The following SPAG16 variants were observed in gnomAD, a reference collection of about 807,000 sequenced individuals.
SPAG16 encodes sperm associated antigen 16, also known as sperm-associated antigen 16 protein.
In SPAG16, 86 loss-of-function variants were observed where a neutral mutation model predicts 80.4. The ratio of observed to expected loss-of-function variants is 1.07; its 90% CI spans 0.90 to 1.28. The LOEUF (loss-of-function observed/expected upper bound fraction) is 1.28, where lower values mean the gene tolerates loss of function less well. SPAG16 is among the 50% of genes most tolerant of loss of function. The pLI is 0.00. For synonymous variants in SPAG16, 294 were observed against 265.9 expected (o/e 1.11, Z -1.03); for missense variants, 870 against 765.3 (o/e 1.14, Z -1.61).
At chr2:213,885,973 A>AT (rs1271249059) in intron 11 of SPAG16, among the ~76,000 whole-genome samples, 1 of 152,196 alleles carries the variant, frequency 6.6e-6, no homozygotes, top group East Asian at 1.9e-4. Context: ...GAGAAACTCT[A>AT]TTTTTATGCT....
At chr2:213,937,261 C>T (rs966437129) in intron 12 of SPAG16, among the ~76,000 whole-genome samples, 4 of 151,840 alleles carry the variant, frequency 2.6e-5, no homozygotes, top group African/African-American at 7.3e-5. Flanking sequence ...GTTTAAAACA[C>T]GATAATGTAA....
chr2:213,430,486 C>A (rs1320140706), intron 9 of SPAG16, among the ~76,000 whole-genome samples: 1 of 152,126 alleles, frequency 6.6e-6, no homozygotes, highest in East Asian at 1.9e-4. Context: ...TAAAACTCAT[C>A]AGCTATTGTT....
At chr2:214,259,466 C>T (rs942451465) in intron 15 of SPAG16, among the ~76,000 whole-genome samples, 1 of 133,382 alleles carries the variant, frequency 7.5e-6, no homozygotes, top group South Asian at 2.4e-4. Flanking sequence ...TACACACACA[C>T]GTATAGCTTT....
At chr2:213,669,990 A>G (rs1274397136) in intron 10 of SPAG16, among the ~76,000 whole-genome samples, 1 of 150,098 alleles carries the variant, frequency 6.7e-6, no homozygotes, top group Non-Finnish European at 1.5e-5. Flanking sequence ...TTTGGCAAGC[A>G]TGTTCTAATT....
chr2:214,286,123 T>C (rs1693336514), intron 15 of SPAG16, among the ~76,000 whole-genome samples: 1 of 152,170 alleles, frequency 6.6e-6, no homozygotes, highest in South Asian at 2.1e-4. Context: ...GAACCAAAAA[T>C]ATTTGAACTC....
At chr2:213,499,223 C>G (rs2074631696) in intron 10 of SPAG16, among the ~76,000 whole-genome samples, 2 of 152,172 alleles carry the variant, frequency 1.3e-5, no homozygotes, top group South Asian at 2.1e-4. Flanking sequence ...TTTCCACTTG[C>G]AAATATTCAA....
At chr2:213,651,807 A>G (rs1342614911) in intron 10 of SPAG16, among the ~76,000 whole-genome samples, 1 of 152,174 alleles carries the variant, frequency 6.6e-6, no homozygotes, top group Non-Finnish European at 1.5e-5. Flanking sequence ...ACAATTGATT[A>G]ATATTTCTAA....
At chr2:214,077,603 C>T (rs1381257066) in intron 13 of SPAG16, among the ~76,000 whole-genome samples, 5 of 152,256 alleles carry the variant, frequency 3.3e-5, no homozygotes, top group South Asian at 2.1e-4. Context: ...TGTGCAGGCA[C>T]GTTGGCCAGC....
intron 9 of SPAG16, among the ~76,000 whole-genome samples, chr2:213,433,313 G>C (rs1483121251): frequency 6.6e-6 from 1 of 152,016 alleles, no homozygotes; most frequent in Non-Finnish European, 1.5e-5. Flanking sequence ...AAGTCAAATT[G>C]TTTCTATTCA....
At chr2:213,779,729 C>G (rs977922069) in intron 10 of SPAG16, among the ~76,000 whole-genome samples, 1 of 152,136 alleles carries the variant, frequency 6.6e-6, no homozygotes, top group East Asian at 1.9e-4. Context: ...ATCAACTTAG[C>G]CTACTCAGGA....
chr2:214,390,951 A>G (rs1041446631), intron 15 of SPAG16, among the ~76,000 whole-genome samples: 3 of 152,160 alleles, frequency 2.0e-5, no homozygotes, highest in African/African-American at 7.2e-5. Context: ...AAATATTGCT[A>G]AGGTTGTGAA....
At chr2:214,204,318 C>G (rs2058087246) in intron 15 of SPAG16, among the ~76,000 whole-genome samples, 1 of 152,214 alleles carries the variant, frequency 6.6e-6, no homozygotes, top group African/African-American at 2.4e-5. Context: ...CCTCCCTATA[C>G]TACTGCAGCT....
intron 15 of SPAG16, among the ~76,000 whole-genome samples, chr2:214,255,732 GTAAA>G (rs1415624821): frequency 6.6e-6 from 1 of 151,902 alleles, no homozygotes; most frequent in Non-Finnish European, 1.5e-5. Flanking sequence ...TTTGACTACA[GTAAA>G]GCTGCAAATA....
At chr2:213,326,421 T>C (rs1319371760) in intron 5 of SPAG16, among the ~76,000 whole-genome samples, 2 of 152,058 alleles carry the variant, frequency 1.3e-5, no homozygotes, top group African/African-American at 4.8e-5. Flanking sequence ...TAATGAGGCT[T>C]ATAAAATTTC....
chr2:214,384,988 G>T (rs1026831469), intron 15 of SPAG16, among the ~76,000 whole-genome samples: 1 of 152,040 alleles, frequency 6.6e-6, no homozygotes, highest in Non-Finnish European at 1.5e-5. Context: ...TTTCACCATT[G>T]ACAACCAGAG....
intron 10 of SPAG16, among the ~76,000 whole-genome samples, chr2:213,694,926 G>A (rs531476740): frequency 6.6e-6 from 1 of 151,966 alleles, no homozygotes; most frequent in South Asian, 2.1e-4. Context: ...CAGTAGTATG[G>A]GGTCCTGTTT....
chr2:214,372,646 CAG>C (rs1699895045), intron 15 of SPAG16, among the ~76,000 whole-genome samples: 1 of 152,184 alleles, frequency 6.6e-6, no homozygotes, highest in Non-Finnish European at 1.5e-5. Flanking sequence ...ACATGGATTT[CAG>C]AGACTTAGTC....
intron 15 of SPAG16, among the ~76,000 whole-genome samples, chr2:214,215,766 C>T (rs10490501): frequency 0.032 from 4,915 of 152,282 alleles, 215 homozygotes; most frequent in East Asian, 0.16. Flanking sequence ...AGTTGCAATA[C>T]ACTCCTCTGT....
At chr2:213,881,321 A>G (rs1240863087) in intron 11 of SPAG16, among the ~76,000 whole-genome samples, 1 of 152,132 alleles carries the variant, frequency 6.6e-6, no homozygotes, top group South Asian at 2.1e-4. Flanking sequence ...TTTGTATTCT[A>G]AAACCTTACT....
Sources: gnomAD v4.1 joint callset for allele counts (sites outside exome capture counted in the v4.1 genomes callset) on GRCh38, gnomAD v4.1.1 for gene constraint, MANE v1.5 for transcripts, NCBI Gene and HGNC (gene_info 2026-07-23, HGNC 2026-07-21) for gene names.